Variants in STX12 observed in about 807,000 individuals in gnomAD.
STX12 encodes syntaxin 12, also known as syntaxin-12.
A neutral mutation model predicts 42.2 loss-of-function variants in STX12; 17 were observed. The ratio of observed to expected loss-of-function variants is 0.40; its 90% CI spans 0.28 to 0.60. The LOEUF (loss-of-function observed/expected upper bound fraction) is 0.60. Ranked by LOEUF, STX12 falls within the 20% of genes least tolerant of loss-of-function variation. STX12 has a pLI of 0.39. For missense variants in STX12, 297 were observed against 330.9 expected, an observed-to-expected ratio of 0.90 and a Z score of 0.79; for synonymous variants, 108 against 116.7, an observed-to-expected ratio of 0.93 and a Z score of 0.48.
At chr1:27,813,635 G>A (rs1164957567) in intron 6 of STX12, among the ~76,000 whole-genome samples, 1 of 152,150 alleles carries the variant, frequency 6.6e-6, no homozygotes, top group East Asian at 1.9e-4. Context: ...GTGCACATGA[G>A]GATCACCTGG....
chr1:27,798,235 C>T (rs1186980380), intron 3 of STX12, among the ~76,000 whole-genome samples: 3 of 151,878 alleles, frequency 2.0e-5, no homozygotes, highest in Admixed American at 6.6e-5. Context: ...TATATGTAAG[C>T]GATTAAAGAT....
chr1:27,785,764 G>A (rs1044399483), intron 1 of STX12, among the ~76,000 whole-genome samples: 21 of 152,118 alleles, frequency 1.4e-4, no homozygotes, highest in Non-Finnish European at 2.8e-4. Flanking sequence ...GAATGGAAAA[G>A]GGAGGCTAAC....
intron 4 of STX12, among the ~76,000 whole-genome samples, chr1:27,802,599 G>T (rs2088834711): frequency 6.6e-6 from 1 of 152,178 alleles, no homozygotes; most frequent in African/African-American, 2.4e-5. Context: ...TACCTGAATG[G>T]TTCAGTGGTC....
chr1:27,786,528 T>C (rs908839076), intron 1 of STX12, among the ~76,000 whole-genome samples: 1 of 152,232 alleles, frequency 6.6e-6, no homozygotes, highest in Non-Finnish European at 1.5e-5. Context: ...TTTACCTGAA[T>C]TTATTTCTCT....
At chr1:27,803,017 A>C (rs893750795) in intron 4 of STX12, among the ~76,000 whole-genome samples, 9 of 152,230 alleles carry the variant, frequency 5.9e-5, no homozygotes, top group African/African-American at 9.6e-5. Context: ...AGAATATATT[A>C]TCCAGCATGT....
At chr1:27,787,480 G>A (rs564882134) in intron 1 of STX12, among the ~76,000 whole-genome samples, 1 of 152,188 alleles carries the variant, frequency 6.6e-6, no homozygotes, top group East Asian at 1.9e-4. Context: ...CCAACATGGT[G>A]AAACCCCATC....
At chr1:27,812,668 C>T (rs555527090) in intron 6 of STX12, among the ~76,000 whole-genome samples, 4 of 151,652 alleles carry the variant, frequency 2.6e-5, no homozygotes, top group South Asian at 2.1e-4. Flanking sequence ...CTTGAACTCA[C>T]GACCTCAGGT....
At chr1:27,794,540 TC>T (rs1410167769) in intron 3 of STX12, among the ~76,000 whole-genome samples, 1 of 152,074 alleles carries the variant, frequency 6.6e-6, no homozygotes, top group Non-Finnish European at 1.5e-5. Context: ...GATTCATTGT[TC>T]CCTTAATATG....
intron 1 of STX12, among the ~76,000 whole-genome samples, chr1:27,783,579 C>T (rs1285326747): frequency 6.6e-6 from 1 of 152,116 alleles, no homozygotes; most frequent in East Asian, 1.9e-4. Context: ...AGGTGATCCA[C>T]CCACCTTGGC....
intron 1 of STX12, among the ~76,000 whole-genome samples, chr1:27,780,701 C>T (rs1279733578): frequency 6.6e-6 from 1 of 152,052 alleles, no homozygotes; most frequent in African/African-American, 2.4e-5. Flanking sequence ...CCTGTAATCC[C>T]AGCACTTGGG....
At chr1:27,778,191 A>G (rs1471890038) in intron 1 of STX12, among the ~76,000 whole-genome samples, 1 of 152,220 alleles carries the variant, frequency 6.6e-6, no homozygotes, top group Non-Finnish European at 1.5e-5. Context: ...TGAGCACATC[A>G]GCCTGAGATA....
At chr1:27,791,053 G>A (rs1265532246) in intron 2 of STX12, among the ~76,000 whole-genome samples, 1 of 152,212 alleles carries the variant, frequency 6.6e-6, no homozygotes, top group Non-Finnish European at 1.5e-5. Context: ...CCGAGGTCGG[G>A]AGTTCAAGAC....
chr1:27,787,477 G>T (rs2088707351), intron 1 of STX12, among the ~76,000 whole-genome samples: 2 of 152,160 alleles, frequency 1.3e-5, no homozygotes, highest in South Asian at 4.2e-4. Flanking sequence ...TGACCAACAT[G>T]GTGAAACCCC....
At chr1:27,811,151 C>T (rs1320491372) in intron 5 of STX12, among the ~76,000 whole-genome samples, 1 of 149,998 alleles carries the variant, frequency 6.7e-6, no homozygotes, top group African/African-American at 2.5e-5. Flanking sequence ...GAAACCCCAT[C>T]TCTACTAAAA....
intron 3 of STX12, among the ~76,000 whole-genome samples, chr1:27,796,757 C>T (rs903376015): frequency 3.3e-5 from 5 of 149,676 alleles, no homozygotes; most frequent in East Asian, 2.0e-4. Context: ...GGCTGGACTG[C>T]GCAAATGGTG....
Position 27,779,952 on chromosome 1 carries a change from C to T in STX12, c.118+6527C>T, listed in dbSNP as rs557215582. ...GATTACAGGCGTGTACCACCACGCC[C>T]GGCTAATTTTGTATTTTTAGTAGAC... is the stretch of plus-strand genomic sequence containing the variant. On this transcript the variant is annotated intron_variant, in intron 1 of 8. Transcript: ENST00000373943. Among the ~76,000 whole-genome samples, 245 of 151,140 alleles carry T rather than the reference C, an allele frequency of 1.6e-3. 2 individuals are homozygous for T. The highest frequency in any genetic ancestry group is 7.0e-3 in the Middle Eastern group (2 of 286).
chr1:27,805,397 GAAAA>G (rs1024474970), intron 4 of STX12, among the ~76,000 whole-genome samples: 2 of 151,728 alleles, frequency 1.3e-5, no homozygotes, highest in Non-Finnish European at 2.9e-5. Context: ...GTGTTTCCAA[GAAAA>G]AAAATTAGTG....
chr1:27,777,973 A>G (rs1316366891), intron 1 of STX12, among the ~76,000 whole-genome samples: 1 of 152,170 alleles, frequency 6.6e-6, no homozygotes, highest in East Asian at 1.9e-4. Context: ...ATGACGTTGC[A>G]TCTACTCAGT....
At position 27,789,612 on chromosome 1, in the gene STX12, A is replaced by G; in HGVS notation, c.169A>G (p.Ser57Gly). ...MSQLGTKQDS[S>G]KLQENLQQLQ... ...CCAGCTAGGAACTAAGCAGGACTCAAGCAAGCTACAGGAAAATCTGTGAGT... is the reference window on the plus strand; with the variant it reads ...CCAGCTAGGAACTAAGCAGGACTCAGGCAAGCTACAGGAAAATCTGTGAGT... The change falls in exon 2 of 9, where the codon AGC (serine) becomes GGC (glycine). Residue 57 changes from serine to glycine, a missense_variant. Coordinates refer to ENST00000373943, the MANE Select transcript of STX12 (RefSeq NM_177424.3). 5.0e-6 allele frequency: 8 copies of G among 1,613,636 alleles called. No homozygotes were observed. Among genetic ancestry groups the G allele is most frequent in the Non-Finnish European group, 6.8e-6 (8 of 1,179,712 alleles).
Sources: allele counts gnomAD v4.1 joint callset (sites outside exome capture counted in the v4.1 genomes callset), GRCh38; gene constraint gnomAD v4.1.1; transcripts MANE v1.5; gene names NCBI Gene and HGNC (gene_info 2026-07-23, HGNC 2026-07-21).